Variants in TEX2 observed in about 807,000 individuals in gnomAD.
TEX2 encodes the protein testis-expressed protein 2.
TEX2 carries 53 observed loss-of-function variants against 106.9 expected under a neutral mutation model. The ratio of observed to expected loss-of-function variants is 0.50; its 90% CI spans 0.40 to 0.62. The LOEUF (loss-of-function observed/expected upper bound fraction) is 0.62. Among genes scored for constraint, TEX2 ranks in the 20% least tolerant of loss-of-function variants. TEX2 has a pLI of 0.00. For synonymous variants in TEX2, 523 were observed against 534.8 expected (o/e 0.98, Z 0.30); for missense variants, 1,207 against 1,379.0 (o/e 0.88, Z 1.98).
chr17:64,193,768 G>C lies in TEX2; in HGVS notation c.1967C>G (p.Ser656Ter). The C allele has an allele frequency of 6.2e-7, 1 of 1,613,724 alleles. No individual in the cohort carries two copies. Among genetic ancestry groups the C allele is most frequent in the Non-Finnish European group, 8.5e-7 (1 of 1,179,796 alleles). The change falls in exon 4 of 12, where the codon TCA (serine) becomes TGA (stop). Residue 656 changes from serine to a stop codon, truncating the protein, a stop_gained. Transcript: ENST00000584379. LOFTEE classifies it high-confidence loss of function. ...MSKAQTDKET[S>*]EEKPPAEGSE... ...TCCCTCAGCTGGCGGCTTCTCTTCT[G>C]AAGTCTCCTTATCAGTCTGAGCTTT...
At chr17:64,176,229 C>CA (rs1168259695) in intron 6 of TEX2, among the ~76,000 whole-genome samples, 1 of 152,168 alleles carries the variant, frequency 6.6e-6, no homozygotes, top group Non-Finnish European at 1.5e-5. Flanking sequence ...CACTGGCCCA[C>CA]AGACAGCAGC....
At chr17:64,178,915 G>A (rs1040542108) in intron 5 of TEX2, among the ~76,000 whole-genome samples, 3 of 152,246 alleles carry the variant, frequency 2.0e-5, no homozygotes, top group African/African-American at 7.2e-5. Flanking sequence ...ACACGTTGTT[G>A]CTTGGTGTGT....
chr17:64,155,600 A>T (rs1350808890), intron 8 of TEX2: 3 of 152,246 alleles, frequency 2.0e-5, no homozygotes, highest in Non-Finnish European at 4.4e-5. Flanking sequence ...AAAAAGTCTC[A>T]GGAGACTCTA....
At chr17:64,253,321 CT>C (rs2034126195) in intron 1 of TEX2, among the ~76,000 whole-genome samples, 1 of 70,942 alleles carries the variant, frequency 1.4e-5, no homozygotes, top group Non-Finnish European at 3.0e-5. Flanking sequence ...ATTTTTCCTT[CT>C]TTCTTTCTTT....
intron 5 of TEX2, among the ~76,000 whole-genome samples, chr17:64,178,727 A>G (rs772733975): frequency 1.3e-4 from 20 of 152,218 alleles, no homozygotes; most frequent in Non-Finnish European, 2.8e-4. Flanking sequence ...CCCTCCCTCT[A>G]TGGCTACTAT....
At chr17:64,167,491 C>T (rs1257498542) in intron 7 of TEX2, among the ~76,000 whole-genome samples, 1 of 152,072 alleles carries the variant, frequency 6.6e-6, no homozygotes, top group Non-Finnish European at 1.5e-5. Flanking sequence ...CTCATTTAAT[C>T]CTCACGACAA....
chr17:64,225,707 C>CT (rs869126977), intron 1 of TEX2, among the ~76,000 whole-genome samples: 19 of 129,570 alleles, frequency 1.5e-4, no homozygotes, highest in South Asian at 4.6e-4. Flanking sequence ...CTTTTCTTTT[C>CT]TTTTTTTTTG....
Position 64,259,574 on chromosome 17 carries a change from G to C in TEX2, c.-26+3594C>G, listed in dbSNP as rs1248021766. Among the ~76,000 whole-genome samples, 6 of 152,218 alleles carry C rather than the reference G, an allele frequency of 3.9e-5. No individual in the cohort carries two copies. In the East Asian group the frequency reaches 9.6e-4, roughly 24 times the overall value. ...ATGTTTCTCACAGGGACAAGAGTCA[G>C]CCAAAGGATAGTGCTCTAGGCAAAT... On this transcript the variant is annotated intron_variant, in intron 1 of 11. Transcript: ENST00000584379.
In TEX2 at chr17:64,148,877, G is replaced by A; in HGVS notation, c.*92C>T. ...AGTCCTTTAAGAAACAGTAGCTGTG[G>A]CACAGAGGCCAGTGCTACAGTACAG... On this transcript the variant is annotated 3_prime_UTR_variant, in exon 12 of 12. Transcript: ENST00000584379. The A allele has an allele frequency of 6.6e-7, 1 of 1,507,608 alleles. No homozygotes were observed. Among genetic ancestry groups the A allele is most frequent in the Non-Finnish European group, 9.0e-7 (1 of 1,106,800 alleles). 93.4% of individuals were successfully genotyped at this position (1,507,608 alleles called of 1,614,324 possible).
chr17:64,182,636 C>T (rs1030891632), intron 5 of TEX2, among the ~76,000 whole-genome samples: 2 of 152,114 alleles, frequency 1.3e-5, no homozygotes, highest in African/African-American at 4.8e-5. Flanking sequence ...CAACTCCTCC[C>T]CATCCCCCTG....
rs575436683 is a variant in TEX2, at chr17:64,227,092, G to A, written c.-25-12850C>T. 1.2e-3 allele frequency among the ~76,000 whole-genome samples: 187 copies of A among 152,142 alleles called. 1 individual carries two copies. The highest frequency in any genetic ancestry group is 1.5e-3 in the Non-Finnish European group (104 of 67,986). On this transcript the variant is annotated intron_variant, in intron 1 of 11. Transcript: ENST00000584379. ...AATACAAAAATTAGCTGGGCGTGGC[G>A]GTGCGCGCCTGTAGTCCCAGCTACT...
intron 1 of TEX2, among the ~76,000 whole-genome samples, chr17:64,260,106 T>G (rs901488343): frequency 6.6e-6 from 1 of 152,184 alleles, no homozygotes; most frequent in African/African-American, 2.4e-5. Context: ...CAGTAAAAGA[T>G]TTCCCAATAG....
chr17:64,213,888 G>C lies in TEX2; in HGVS notation c.330C>G (p.Ser110=), dbSNP rs1555632187. ...ACTCCAACAGCTTTACAGTGTTCTT[G>C]GAGACGGGCAAAATGGCAGGGGCCT... is the stretch of plus-strand genomic sequence containing the variant. ...VSQAPAILPV[S]KNTVKLLESP... is the part of the protein sequence containing the mutation. Residue 110 remains serine, a synonymous_variant, in exon 2 of 12, where the codon TCC becomes TCG. Transcript: ENST00000584379. The surrounding 1 kb of genome is among the most constrained non-coding windows in gnomAD (Gnocchi z 4.4). 1.2e-6 allele frequency: 2 copies of C among 1,614,218 alleles called. No individual in the cohort carries two copies. The highest frequency in any genetic ancestry group is 1.7e-6 in the Non-Finnish European group (2 of 1,180,036).
chr17:64,189,990 A>G (rs2032234681), intron 4 of TEX2, among the ~76,000 whole-genome samples: 1 of 149,480 alleles, frequency 6.7e-6, no homozygotes, highest in Non-Finnish European at 1.5e-5. Flanking sequence ...GTCTCAAAAA[A>G]AAAAAAAAGA....
At chr17:64,191,858 G>T (rs1456816222) in intron 4 of TEX2, among the ~76,000 whole-genome samples, 2 of 141,616 alleles carry the variant, frequency 1.4e-5, no homozygotes, top group Non-Finnish European at 3.1e-5. Context: ...GAAAGAAAAA[G>T]AAAGGTAAAA....
intron 1 of TEX2, among the ~76,000 whole-genome samples, chr17:64,249,905 T>G (rs2034059152): frequency 1.3e-5 from 2 of 152,188 alleles, no homozygotes; most frequent in Admixed American, 6.5e-5. Flanking sequence ...ATGTTCCTGC[T>G]TCACTATTAA....
chr17:64,244,428 T>C (rs1294738851), intron 1 of TEX2, among the ~76,000 whole-genome samples: 1 of 152,206 alleles, frequency 6.6e-6, no homozygotes, highest in Non-Finnish European at 1.5e-5. Context: ...GATGTTGACA[T>C]TGTCCAGAGC....
In TEX2 at chr17:64,188,326, T is replaced by C. The variant is rs1448474783; in HGVS notation, c.2266A>G (p.Met756Val). Residue 756 changes from methionine (M) to valine (V), a missense_variant, in exon 5 of 12, where the codon ATG becomes GTG. By Grantham distance (21) the Met-to-Val change is conservative. Transcript: ENST00000584379. ...AGCTCCTTCTGCTTTGGCTGTGACA[T>C]GATCTCCTCCACACTGCCTTTGCTG... ...SSSKGSVEEI[M>V]SQPKQKELAG... is the part of the protein sequence containing the mutation. 6.2e-7 allele frequency: 1 copy of C among 1,614,066 alleles called. No homozygotes were observed. The highest frequency in any genetic ancestry group is 1.3e-5 in the African/African-American group (1 of 74,922).
chr17:64,260,637 G>T (rs934407477), intron 1 of TEX2, among the ~76,000 whole-genome samples: 1 of 152,176 alleles, frequency 6.6e-6, no homozygotes, highest in East Asian at 1.9e-4. Flanking sequence ...GACTGGAGAG[G>T]ATATATACAT....
Sources: allele counts gnomAD v4.1 joint callset (sites outside exome capture counted in the v4.1 genomes callset), GRCh38; gene constraint gnomAD v4.1.1; non-coding constraint Gnocchi (gnomAD v3.1); transcripts MANE v1.5; gene names NCBI Gene and HGNC (gene_info 2026-07-23, HGNC 2026-07-21).